ARHGAP15: variants seen among roughly 807,000 people sequenced by gnomAD.
ARHGAP15 encodes rho GTPase-activating protein 15.
In ARHGAP15, 51 loss-of-function variants were observed where a neutral mutation model predicts 63.7. The observed-to-expected ratio is 0.80, with a 90% CI of 0.64 to 1.01. The LOEUF is 1.01. Among genes scored for constraint, ARHGAP15 ranks in the 50% least tolerant of loss-of-function variants. ARHGAP15 has a pLI of 0.00. For missense variants in ARHGAP15, 560 were observed against 564.6 expected, an observed-to-expected ratio of 0.99 and a Z score of 0.08; for synonymous variants, 191 against 193.8, an observed-to-expected ratio of 0.99 and a Z score of 0.12.
intron 11 of ARHGAP15, among the ~76,000 whole-genome samples, chr2:143,619,779 C>G (rs1457520565): frequency 6.6e-6 from 1 of 152,200 alleles, no homozygotes; most frequent in Non-Finnish European, 1.5e-5. Context: ...TTCCTCTTCA[C>G]TCCTCTCTGC....
chr2:143,159,027 G>A (rs890015563), intron 2 of ARHGAP15, among the ~76,000 whole-genome samples: 12 of 151,778 alleles, frequency 7.9e-5, no homozygotes, highest in African/African-American at 2.9e-4. Flanking sequence ...GAGTAGTTTC[G>A]GCATTTAATG....
At chr2:143,454,963 A>G (rs980712936) in intron 8 of ARHGAP15, among the ~76,000 whole-genome samples, 1 of 152,034 alleles carries the variant, frequency 6.6e-6, no homozygotes, top group Non-Finnish European at 1.5e-5. Flanking sequence ...AAATGTTATC[A>G]ATTCCACATT....
chr2:143,581,354 A>G (rs1481879763), intron 11 of ARHGAP15, among the ~76,000 whole-genome samples: 1 of 152,038 alleles, frequency 6.6e-6, no homozygotes, highest in East Asian at 1.9e-4. Context: ...CACTGCAGTC[A>G]CATCTTGGAG....
At chr2:143,260,629 C>G (rs1344707532) in intron 6 of ARHGAP15, among the ~76,000 whole-genome samples, 1 of 152,018 alleles carries the variant, frequency 6.6e-6, no homozygotes, top group Non-Finnish European at 1.5e-5. Context: ...TTAATATTAT[C>G]CTTTACAAGA....
chr2:143,306,273 A>G (rs944110138), intron 6 of ARHGAP15, among the ~76,000 whole-genome samples: 3 of 152,124 alleles, frequency 2.0e-5, no homozygotes, highest in African/African-American at 7.2e-5. Flanking sequence ...ATCAAAGAAA[A>G]CAGTGGTTAC....
chr2:143,497,165 TTG>T (rs999997801), intron 9 of ARHGAP15, among the ~76,000 whole-genome samples: 1 of 152,148 alleles, frequency 6.6e-6, no homozygotes, highest in Non-Finnish European at 1.5e-5. Flanking sequence ...AACTCAAATC[TTG>T]TGTGTGTGTG....
rs1686181863 is a variant in ARHGAP15, at chr2:143,364,070, GAAAGACCTTAT to G, written c.475-71526_475-71516del. On this transcript the variant is annotated intron_variant, in intron 6 of 13. Transcript: ENST00000295095. ...CAAAGACACCAATTTCTAGAGTAGA[GAAAGACCTTAT>G]AAAGTATTTGATGTTGTCTTAAGAG... Among the ~76,000 whole-genome samples, 5 of 152,234 alleles carry G rather than the reference GAAAGACCTTAT, an allele frequency of 3.3e-5. No individual in the cohort carries two copies. The South Asian group carries it at 1.0e-3, about 32-fold the overall frequency.
At chr2:143,308,879 G>A (rs1683303107) in intron 6 of ARHGAP15, among the ~76,000 whole-genome samples, 1 of 147,072 alleles carries the variant, frequency 6.8e-6, no homozygotes, top group Non-Finnish European at 1.5e-5. Flanking sequence ...TAAACATAAG[G>A]GCTAGTATTT....
rs558085632 is a variant in ARHGAP15 at position 143,567,155 on chromosome 2, G to A, written c.1003+10670G>A. On this transcript the variant is annotated intron_variant, in intron 11 of 13. Transcript: ENST00000295095. The stretch of plus-strand genomic sequence containing the variant: ...CTCCCAAAGTGCTGGCATTACAGGG[G>A]TGAGCCACAGCGTGCTTCTTTATCT... Among the ~76,000 whole-genome samples the A allele has an allele frequency of 2.6e-5, 4 of 152,244 alleles. No homozygotes were observed. The East Asian group carries it at 7.7e-4, about 29-fold the overall frequency.
chr2:143,687,785 T>G (rs1683415665), intron 12 of ARHGAP15, among the ~76,000 whole-genome samples: 2 of 152,120 alleles, frequency 1.3e-5, no homozygotes, highest in South Asian at 4.2e-4. Flanking sequence ...CACAAACTCA[T>G]TATTGAAAAT....
At chr2:143,573,950 GA>G (rs1252198945) in intron 11 of ARHGAP15, among the ~76,000 whole-genome samples, 4 of 152,040 alleles carry the variant, frequency 2.6e-5, no homozygotes, top group African/African-American at 7.2e-5. Context: ...ATTGAGAGGA[GA>G]AAAAAATATG....
chr2:143,474,290 A>G (rs1691713348), intron 8 of ARHGAP15, among the ~76,000 whole-genome samples: 1 of 152,210 alleles, frequency 6.6e-6, no homozygotes, highest in Non-Finnish European at 1.5e-5. Flanking sequence ...GTCAAAAGGA[A>G]GGCTACTGTA....
At chr2:143,498,274 G>A (rs1485785124) in intron 9 of ARHGAP15, among the ~76,000 whole-genome samples, 1 of 152,008 alleles carries the variant, frequency 6.6e-6, no homozygotes, top group African/African-American at 2.4e-5. Flanking sequence ...AATTAACTGG[G>A]CCTCTGTAAA....
chr2:143,412,689 G>T (rs1240369068), intron 6 of ARHGAP15, among the ~76,000 whole-genome samples: 2 of 152,104 alleles, frequency 1.3e-5, no homozygotes, highest in Admixed American at 1.3e-4. Flanking sequence ...GAGGTTTGTA[G>T]TGATTTTTGA....
At chr2:143,205,820 T>C (rs1692308579) in intron 3 of ARHGAP15, among the ~76,000 whole-genome samples, 1 of 152,088 alleles carries the variant, frequency 6.6e-6, no homozygotes, top group East Asian at 1.9e-4. Flanking sequence ...CATCATTTTC[T>C]GATGAAACGT....
chr2:143,203,974 C>T (rs536268025), intron 3 of ARHGAP15, among the ~76,000 whole-genome samples: 1 of 152,146 alleles, frequency 6.6e-6, no homozygotes, highest in South Asian at 2.1e-4. Flanking sequence ...TTGCCCAAAC[C>T]CGTTCTCCAT....
At chr2:143,411,157 A>T (rs1336086322) in intron 6 of ARHGAP15, among the ~76,000 whole-genome samples, 2 of 152,198 alleles carry the variant, frequency 1.3e-5, no homozygotes, top group African/African-American at 4.8e-5. Flanking sequence ...GTGGGCCAAG[A>T]TCATGCCACT....
At chr2:143,437,166 C>T in intron 8 of ARHGAP15, 124 bp downstream of exon 8, 1 of 1,169,242 alleles carries the variant, frequency 8.6e-7, no homozygotes, top group Non-Finnish European at 1.2e-6. Flanking sequence ...GTAGCCATTT[C>T]CTGGCCAGGG....
chr2:143,697,816 G>GATCTCTGGAT (rs1683918153), intron 12 of ARHGAP15, among the ~76,000 whole-genome samples: 1 of 152,110 alleles, frequency 6.6e-6, no homozygotes, highest in South Asian at 2.1e-4. Context: ...CAAATAAAAT[G>GATCTCTGGAT]ATCTCTGGAG....
Sources: gnomAD v4.1 joint callset for allele counts (sites outside exome capture counted in the v4.1 genomes callset) on GRCh38, gnomAD v4.1.1 for gene constraint, MANE v1.5 for transcripts, NCBI Gene and HGNC (gene_info 2026-07-23, HGNC 2026-07-21) for gene names.